The following KATNAL1 variants were observed in gnomAD, a reference collection of about 807,000 sequenced individuals.
The protein encoded by KATNAL1 is katanin p60 ATPase-containing subunit A-like 1.
KATNAL1 carries 32 observed loss-of-function variants against 55.2 expected under a neutral mutation model. The observed-to-expected ratio is 0.58, with a 90% CI of 0.44 to 0.78. The LOEUF (loss-of-function observed/expected upper bound fraction) is 0.78. Ranked by LOEUF, KATNAL1 falls within the 30% of genes least tolerant of loss-of-function variation. The pLI, the probability that KATNAL1 is intolerant of heterozygous loss-of-function variation, is 0.00. For missense variants in KATNAL1, 466 were observed against 600.9 expected (o/e 0.78, Z 2.35); for synonymous variants, 193 against 193.6 (o/e 1.00, Z 0.02).
At chr13:30,227,098 T>TACAC (rs769417181) in intron 9 of KATNAL1, among the ~76,000 whole-genome samples, 1 of 68,956 alleles carries the variant, frequency 1.5e-5, no homozygotes, top group African/African-American at 5.6e-5. Context: ...TAAATATGTG[T>TACAC]ACACACACAC....
chr13:30,216,954 A>C (rs1874325524), intron 9 of KATNAL1, among the ~76,000 whole-genome samples: 3 of 152,224 alleles, frequency 2.0e-5, no homozygotes, highest in African/African-American at 7.2e-5. Context: ...TCTCCCACTG[A>C]AACAAAGTTC....
At chr13:30,272,219 G>A (rs1259761626) in intron 3 of KATNAL1, among the ~76,000 whole-genome samples, 1 of 152,114 alleles carries the variant, frequency 6.6e-6, no homozygotes, top group African/African-American at 2.4e-5. Flanking sequence ...CTGACATGGT[G>A]AAACCCCGTC....
At chr13:30,256,928 GGAGGA>G (rs1236143781) in intron 3 of KATNAL1, among the ~76,000 whole-genome samples, 2 of 152,142 alleles carry the variant, frequency 1.3e-5, no homozygotes, top group African/African-American at 2.4e-5. Flanking sequence ...ACTGACCCTA[GGAGGA>G]GACAAAGACA....
In KATNAL1 at chr13:30,240,972, G is replaced by T. The variant is rs1288613025; in HGVS notation, c.607C>A (p.Pro203Thr). 6.2e-7 allele frequency: 1 copy of T among 1,612,108 alleles called. No individual in the cohort carries two copies. The highest frequency in any genetic ancestry group is 2.2e-5 in the East Asian group (1 of 44,800). Residue 203 changes from proline to threonine, a missense_variant, in exon 5 of 11, where the codon CCT becomes ACT. Around this residue, in one of 3 missense-constraint regions of KATNAL1, gnomAD observed 248 missense variants for 275.5 expected, o/e 0.90. Coordinates refer to ENST00000380615, the MANE Select transcript of KATNAL1 (RefSeq NM_032116.5). ...ALERDIVSRN[P>T]SIHWDDIADL... is the part of the protein sequence containing the mutation. ...AAAGACTCTAACCAATGAATGCTAG[G>T]ATTCCTGGATACAATGTCTCTTTCA...
chr13:30,303,889 C>T (rs1413587367), intron 1 of KATNAL1, among the ~76,000 whole-genome samples: 2 of 152,302 alleles, frequency 1.3e-5, no homozygotes, highest in South Asian at 2.1e-4. Context: ...ACCTGATCCA[C>T]CTGCTTAATA....
intron 3 of KATNAL1, among the ~76,000 whole-genome samples, chr13:30,274,901 GCGCGCGCACACACACA>G (rs1475087623): frequency 7.9e-4 from 88 of 111,464 alleles, no homozygotes; most frequent in Non-Finnish European, 9.6e-4. Flanking sequence ...ACGCGCGCGC[GCGCGCGCACACACACA>G]CACACACACA....
At chr13:30,282,816 G>A (rs1185634684) in intron 2 of KATNAL1, among the ~76,000 whole-genome samples, 4 of 151,354 alleles carry the variant, frequency 2.6e-5, no homozygotes, top group Non-Finnish European at 5.9e-5. Flanking sequence ...TTAGCCAGGC[G>A]TGGTGGTGGG....
intron 3 of KATNAL1, among the ~76,000 whole-genome samples, chr13:30,274,900 C>CGCGCGCGCGT (rs1880685592): frequency 9.4e-6 from 1 of 105,902 alleles, no homozygotes; most frequent in Admixed American, 9.9e-5. Flanking sequence ...TACGCGCGCG[C>CGCGCGCGCGT]GCGCGCGCAC....
At chr13:30,227,082 A>T (rs536234760) in intron 9 of KATNAL1, among the ~76,000 whole-genome samples, 1 of 135,704 alleles carries the variant, frequency 7.4e-6, no homozygotes, top group Admixed American at 7.9e-5. Flanking sequence ...TCACAAAATA[A>T]ATAAATAAAT....
chr13:30,240,622 C>A lies in KATNAL1; in HGVS notation c.621-57G>T. The A allele has an allele frequency of 3.4e-6, 4 of 1,187,308 alleles. No homozygotes were observed. In the South Asian group the frequency reaches 4.0e-5, roughly 12 times the overall value. 73.5% of individuals were successfully genotyped at this position (1,187,308 alleles called of 1,614,324 possible). A position where few individuals can be genotyped will look rare whatever the true frequency, so the allele number is the denominator to read the frequency against. On this transcript the variant is annotated intron_variant, in intron 5 of 10. Transcript: ENST00000380615. The stretch of plus-strand genomic sequence containing the variant: ...TACTCAGGGATCTTTGATTTATGGT[C>A]AAAACTAATTCTTTTAATTTTTTTT...
chr13:30,283,104 C>A (rs1263146302), intron 2 of KATNAL1, among the ~76,000 whole-genome samples: 1 of 150,358 alleles, frequency 6.7e-6, no homozygotes, highest in Non-Finnish European at 1.5e-5. Context: ...CCTGTTTCTA[C>A]TAAAAACACA....
At chr13:30,229,301 C>T (rs1875841479) in intron 8 of KATNAL1, among the ~76,000 whole-genome samples, 1 of 152,070 alleles carries the variant, frequency 6.6e-6, no homozygotes, top group Non-Finnish European at 1.5e-5. Flanking sequence ...TTTTCCACTG[C>T]ACCCAGACTT....
At chr13:30,257,903 G>C (rs1373341879) in intron 3 of KATNAL1, among the ~76,000 whole-genome samples, 1 of 152,130 alleles carries the variant, frequency 6.6e-6, no homozygotes, top group South Asian at 2.1e-4. Flanking sequence ...CAGACTCTGT[G>C]GACTTCCCAA....
rs551183511 is a variant in KATNAL1, at chr13:30,307,473, C to A, written c.-157G>T. On this transcript the variant is annotated 5_prime_UTR_variant, in exon 1 of 11. Coordinates refer to ENST00000380615, the MANE Select transcript of KATNAL1 (RefSeq NM_032116.5). ...CGGCGGCGGCGTAGTGTTGCCATGGCAGCCGCGGCCGCGCGGTGGGCGCAG... is the reference window on the plus strand; with the variant it reads ...CGGCGGCGGCGTAGTGTTGCCATGGAAGCCGCGGCCGCGCGGTGGGCGCAG... The A allele has an allele frequency of 6.6e-6, 1 of 152,288 alleles. No homozygotes were observed. Among genetic ancestry groups the A allele is most frequent in the Non-Finnish European group, 1.5e-5 (1 of 68,126 alleles). 9.4% of individuals were successfully genotyped at this position (152,288 alleles called of 1,614,324 possible). A position where few individuals can be genotyped will look rare whatever the true frequency, so the allele number is the denominator to read the frequency against.
intron 1 of KATNAL1, among the ~76,000 whole-genome samples, chr13:30,302,815 T>G (rs188437681): frequency 2.6e-5 from 4 of 152,302 alleles, no homozygotes; most frequent in Admixed American, 2.6e-4. Context: ...GTGCACTGTT[T>G]GACATAAAGA....
At chr13:30,277,395 C>A (rs910997210) in intron 3 of KATNAL1, among the ~76,000 whole-genome samples, 4 of 152,124 alleles carry the variant, frequency 2.6e-5, no homozygotes, top group Non-Finnish European at 5.9e-5. Flanking sequence ...AAATAGCTTG[C>A]TCAAGGTCAC....
chr13:30,208,493 C>T lies in KATNAL1; in HGVS notation c.*47G>A, dbSNP rs780389913. ...TTTTTAAAAATTGCAGGAATTTCTTCGTATTTTATCAACAAAAATACCAGA... is the reference window on the plus strand; with the variant it reads ...TTTTTAAAAATTGCAGGAATTTCTTTGTATTTTATCAACAAAAATACCAGA... On this transcript the variant is annotated 3_prime_UTR_variant, in exon 11 of 11. Coordinates refer to ENST00000380615, the MANE Select transcript of KATNAL1 (RefSeq NM_032116.5). The T allele has an allele frequency of 2.1e-5, 29 of 1,396,312 alleles. No homozygotes were observed. In the Admixed American group the frequency reaches 2.6e-4, roughly 13 times the overall value. The allele number at this position is 1,396,312 out of a possible 1,614,324, so 86.5% of individuals were successfully genotyped here. A position where few individuals can be genotyped will look rare whatever the true frequency, so the allele number is the denominator to read the frequency against.
chr13:30,224,709 A>G (rs1399559444), intron 9 of KATNAL1, among the ~76,000 whole-genome samples: 3 of 152,226 alleles, frequency 2.0e-5, no homozygotes, highest in Non-Finnish European at 2.9e-5. Context: ...TGGTTATTTG[A>G]AAAGATTAAC....
intron 4 of KATNAL1, among the ~76,000 whole-genome samples, chr13:30,253,941 C>G (rs543255190): frequency 1.3e-5 from 2 of 152,298 alleles, no homozygotes; most frequent in African/African-American, 4.8e-5. Context: ...GCGCTCTGTA[C>G]CACAGTTTCT....
Sources: gnomAD v4.1 joint callset for allele counts (sites outside exome capture counted in the v4.1 genomes callset) on GRCh38, gnomAD v4.1.1 for gene constraint, gnomAD v4.1.1 regional missense constraint, MANE v1.5 for transcripts, NCBI Gene and HGNC (gene_info 2026-07-23, HGNC 2026-07-21) for gene names.